Variants in ABRA observed in about 807,000 individuals in gnomAD.
The protein encoded by ABRA is actin-binding Rho-activating protein.
In ABRA, 25 loss-of-function variants were observed where a neutral mutation model predicts 33.4. The ratio of observed to expected loss-of-function variants is 0.75; its 90% CI spans 0.55 to 1.04. The LOEUF (loss-of-function observed/expected upper bound fraction) is 1.04, where lower values mean the gene tolerates loss of function less well. ABRA is among the 50% of genes least tolerant of loss of function. ABRA has a pLI of 0.00. For missense variants in ABRA, 501 were observed against 491.7 expected (o/e 1.02, Z -0.18); for synonymous variants, 193 against 176.8 (o/e 1.09, Z -0.73).
In ABRA at chr8:106,769,522, C is replaced by T. The variant is rs2131634042; in HGVS notation, c.668+1G>A. On this transcript the variant is annotated splice_donor_variant, in intron 1 of 1. Transcript: ENST00000311955. LOFTEE classifies it high-confidence loss of function. ...AGGAGTGGGAGAATGCATTCACTTA[C>T]TGGGAGGGCAAGGGGCGCTTGATCC... The T allele has an allele frequency of 3.1e-6, 5 of 1,610,626 alleles. No homozygotes were observed. The highest frequency in any genetic ancestry group is 4.2e-6 in the Non-Finnish European group (5 of 1,178,072).
intron 1 of ABRA, among the ~76,000 whole-genome samples, chr8:106,764,991 A>G (rs1836195035): frequency 6.6e-6 from 1 of 152,196 alleles, no homozygotes; most frequent in South Asian, 2.1e-4. Context: ...AGTACTATAA[A>G]TGTAAGAATC....
At position 106,760,441 on chromosome 8, in the gene ABRA, A is replaced by G. The variant is rs1020222430; in HGVS notation, c.*596T>C. The G allele has an allele frequency of 2.0e-5, 3 of 152,198 alleles. No individual in the cohort carries two copies. The highest frequency in any genetic ancestry group is 4.8e-5 in the African/African-American group (2 of 41,422). 9.4% of individuals were successfully genotyped at this position (152,198 alleles called of 1,614,324 possible). On this transcript the variant is annotated 3_prime_UTR_variant, in exon 2 of 2. Transcript: ENST00000311955. ...TGTAAGTGATGCTATGATATAAACA[A>G]TAATACAAAGTCAAGCTTCTGAAAA...
At chr8:106,763,811 T>G (rs1365729184) in intron 1 of ABRA, among the ~76,000 whole-genome samples, 2 of 152,224 alleles carry the variant, frequency 1.3e-5, no homozygotes, top group African/African-American at 2.4e-5. Context: ...CTTTGTCTCC[T>G]GAGCACCAAC....
In ABRA at chr8:106,761,533, G is replaced by C. The variant is rs753947232; in HGVS notation, c.669-19C>G. ...GTTTACCCTAAAGTAGAGAGAGGGT[G>C]AACAATCAAGATTCAGATATGTTAA... is the stretch of plus-strand genomic sequence containing the variant. On this transcript the variant is annotated intron_variant, in intron 1 of 1. Transcript: ENST00000311955. 2 of 1,584,090 alleles carry C rather than the reference G, an allele frequency of 1.3e-6. No homozygotes were observed. Among genetic ancestry groups the C allele is most frequent in the Non-Finnish European group, 1.7e-6 (2 of 1,160,326 alleles).
chr8:106,767,381 A>G (rs1050798939), intron 1 of ABRA, among the ~76,000 whole-genome samples: 1 of 152,166 alleles, frequency 6.6e-6, no homozygotes, highest in Non-Finnish European at 1.5e-5. Context: ...ACATGTCCCA[A>G]GATCCAAAAG....
At chr8:106,769,126 A>C (rs1336264736) in intron 1 of ABRA, among the ~76,000 whole-genome samples, 2 of 152,214 alleles carry the variant, frequency 1.3e-5, no homozygotes, top group African/African-American at 4.8e-5. Context: ...ATTTGGGACA[A>C]GGTAAAAGTT....
Position 106,769,551 on chromosome 8 carries a change from C to A in ABRA, c.640G>T (p.Val214Phe), listed in dbSNP as rs1375213939. Reference sequence around the variant, plus strand: ...GAGGGCAAGGGGCGCTTGATCCTGACCACAGCCACCTGCACTCCATCCTGC... The same window carrying A: ...GAGGGCAAGGGGCGCTTGATCCTGAACACAGCCACCTGCACTCCATCCTGC... ...PEQDGVQVAV[V>F]RIKRPLPSQV... The change falls in exon 1 of 2, where the codon GTC becomes TTC. Residue 214 changes from valine (V) to phenylalanine (F), a missense_variant. Physicochemically the swap from Val to Phe is conservative, Grantham distance 50. Coordinates refer to ENST00000311955, the MANE Select transcript of ABRA (RefSeq NM_139166.5). 1.2e-6 allele frequency: 2 copies of A among 1,613,924 alleles called. No individual in the cohort carries two copies. The highest frequency in any genetic ancestry group is 2.2e-5 in the South Asian group (2 of 91,010).
At chr8:106,769,149 C>G (rs1810554612) in intron 1 of ABRA, among the ~76,000 whole-genome samples, 1 of 152,152 alleles carries the variant, frequency 6.6e-6, no homozygotes, top group South Asian at 2.1e-4. Context: ...CCCAATGAGT[C>G]TATCAGAAAC....
At chr8:106,764,878 A>G (rs1410469318) in intron 1 of ABRA, among the ~76,000 whole-genome samples, 1 of 148,764 alleles carries the variant, frequency 6.7e-6, no homozygotes, top group Non-Finnish European at 1.5e-5. Flanking sequence ...TTTTATAAAC[A>G]TTCTGTATTG....
At chr8:106,767,038 T>G (rs1392119539) in intron 1 of ABRA, among the ~76,000 whole-genome samples, 1 of 152,214 alleles carries the variant, frequency 6.6e-6, no homozygotes, top group Non-Finnish European at 1.5e-5. Context: ...GGTGAGACAG[T>G]TTACTCAGAG....
chr8:106,762,089 A>G (rs1395732871), intron 1 of ABRA, among the ~76,000 whole-genome samples: 1 of 152,234 alleles, frequency 6.6e-6, no homozygotes, highest in Non-Finnish European at 1.5e-5. Flanking sequence ...AGTAACATTT[A>G]CTGAACACTA....
Position 106,769,772 on chromosome 8 carries a change from G to A in ABRA, c.419C>T (p.Pro140Leu). ...GTCAATGTCATTCTCTGGCTGCCCA[G>A]GTTCAAGCACACCAGCATCCCTCTC... ...RYERDAGVLEPGQPENDIDRI... is the reference protein window; with the variant it reads ...RYERDAGVLELGQPENDIDRI... Residue 140 changes from proline (P) to leucine (L), a missense_variant, in exon 1 of 2, where the codon CCT becomes CTT. Physicochemically the swap from Pro to Leu is moderately conservative, Grantham distance 98. Transcript: ENST00000311955. The A allele has an allele frequency of 1.2e-6, 2 of 1,614,182 alleles. No homozygotes were observed. The highest frequency in any genetic ancestry group is 2.2e-5 in the East Asian group (1 of 44,880).
In ABRA at chr8:106,769,693, C is replaced by T. The variant is rs777328021; in HGVS notation, c.498G>A (p.Leu166=). Residue 166 remains leucine (L), a synonymous_variant, in exon 1 of 2, where the codon CTG becomes CTA. Coordinates refer to ENST00000311955, the MANE Select transcript of ABRA (RefSeq NM_139166.5). ...TCCAGCCCTTGGTTAGCTCAGACACCAGGTTGGCACATTTTCTCCTCCGCG... is the reference window on the plus strand; with the variant it reads ...TCCAGCCCTTGGTTAGCTCAGACACTAGGTTGGCACATTTTCTCCTCCGCG... The part of the protein sequence containing the change: ...SPTRRRKCAN[L]VSELTKGWRV... The T allele has an allele frequency of 6.2e-7, 1 of 1,614,138 alleles. No homozygotes were observed. Among genetic ancestry groups the T allele is most frequent in the East Asian group, 2.2e-5 (1 of 44,868 alleles).
rs1227917803 is a variant in ABRA at position 106,770,194 on chromosome 8, G to C, written c.-4C>G. On this transcript the variant is annotated 5_prime_UTR_variant, in exon 1 of 2. Transcript: ENST00000311955. ...TTTCCTTTTCGCCCGGAGCCATGCTGCCCACCTGTCTTTCTCTGCTGATAG... is the reference window on the plus strand; with the variant it reads ...TTTCCTTTTCGCCCGGAGCCATGCTCCCCACCTGTCTTTCTCTGCTGATAG... 1 of 1,598,506 alleles carries C rather than the reference G, an allele frequency of 6.3e-7. No homozygotes were observed. Among genetic ancestry groups the C allele is most frequent in the African/African-American group, 1.3e-5 (1 of 74,824 alleles).
chr8:106,762,006 T>C (rs1244129695), intron 1 of ABRA, among the ~76,000 whole-genome samples: 2 of 152,192 alleles, frequency 1.3e-5, no homozygotes. Flanking sequence ...TGAGAGCATA[T>C]ATAGACTAGT....
At position 106,769,919 on chromosome 8, in the gene ABRA, T is replaced by C; in HGVS notation, c.272A>G (p.Asp91Gly). The change falls in exon 1 of 2, where the codon GAT (aspartate) becomes GGT (glycine). Residue 91 changes from aspartate (D) to glycine (G), a missense_variant. Coordinates refer to ENST00000311955, the MANE Select transcript of ABRA (RefSeq NM_139166.5). ...SPPRLPEGHG[D>G]GQSSEKAPEV... ...AGGGGCTTTCTCTGAGCTTTGTCCA[T>C]CTCCATGTCCTTCTGGCAGGCGGGG... 6.2e-7 allele frequency: 1 copy of C among 1,614,112 alleles called. No individual in the cohort carries two copies. The highest frequency in any genetic ancestry group is 2.2e-5 in the East Asian group (1 of 44,870).
In ABRA at chr8:106,759,861, A is replaced by G. The variant is rs1836111016; in HGVS notation, c.*1176T>C. ...TTCCATTCCATTTGTTTTTAAGATC[A>G]CATAGGCACATTAATGTCCAATGAT... On this transcript the variant is annotated 3_prime_UTR_variant, in exon 2 of 2. Transcript: ENST00000311955. 6.6e-6 allele frequency: 1 copy of G among 152,216 alleles called. No homozygotes were observed. Among genetic ancestry groups the G allele is most frequent in the Admixed American group, 6.5e-5 (1 of 15,282 alleles). The allele number at this position is 152,216 out of a possible 1,614,324, so 9.4% of individuals were successfully genotyped here. A position where few individuals can be genotyped will look rare whatever the true frequency, so the allele number is the denominator to read the frequency against.
chr8:106,761,261 T>C lies in ABRA; in HGVS notation c.922A>G (p.Arg308Gly). ...ATGAAGCACATGTCCATCATTTCCC[T>C]GTAGATGTGCTCCTCAGCACGCTTG... ...RAKRAEEHIY[R>G]EMMDMCFIIC... is the part of the protein sequence containing the mutation. The change falls in exon 2 of 2, where the codon AGG (arginine) becomes GGG (glycine). Residue 308 changes from arginine (R) to glycine (G), a missense_variant. Physicochemically the swap from Arg to Gly is moderately radical, Grantham distance 125. Transcript: ENST00000311955. The C allele has an allele frequency of 6.2e-7, 1 of 1,614,224 alleles. No homozygotes were observed. Among genetic ancestry groups the C allele is most frequent in the Non-Finnish European group, 8.5e-7 (1 of 1,180,038 alleles).
chr8:106,766,413 G>A (rs1021657400), intron 1 of ABRA, among the ~76,000 whole-genome samples: 2 of 151,516 alleles, frequency 1.3e-5, no homozygotes, highest in East Asian at 3.9e-4. Context: ...CTCCTTATTG[G>A]CAGATACAGG....
Sources: allele counts gnomAD v4.1 joint callset (sites outside exome capture counted in the v4.1 genomes callset), GRCh38; gene constraint gnomAD v4.1.1; transcripts MANE v1.5; gene names NCBI Gene and HGNC (gene_info 2026-07-23, HGNC 2026-07-21).